The following CNTN4 variants were observed in gnomAD, a reference collection of about 807,000 sequenced individuals.
CNTN4 encodes the protein contactin-4.
A neutral mutation model predicts 122.5 loss-of-function variants in CNTN4; 77 were observed. That is an observed-to-expected ratio of 0.63 (90% CI 0.52 to 0.76). The LOEUF (loss-of-function observed/expected upper bound fraction) is 0.76. CNTN4 is among the 30% of genes least tolerant of loss of function. The pLI, the probability that CNTN4 is intolerant of heterozygous loss-of-function variation, is 0.00. For missense variants in CNTN4, 1,256 were observed against 1,259.1 expected (o/e 1.00, Z 0.04); for synonymous variants, 512 against 447.0 (o/e 1.15, Z -1.83).
chr3:2,840,815 C>T (rs1246338385), intron 7 of CNTN4, among the ~76,000 whole-genome samples: 1 of 152,088 alleles, frequency 6.6e-6, no homozygotes, highest in East Asian at 1.9e-4. Context: ...GACCAGAGAA[C>T]AGAAGACCTG....
chr3:3,034,599 T>C, intron 16 of CNTN4, 33 bp from the exon 17 acceptor site: 1 of 1,612,522 alleles, frequency 6.2e-7, no homozygotes, highest in Non-Finnish European at 8.5e-7. Context: ...TTGAATACAC[T>C]GCTCCAATTC....
At chr3:2,900,270 T>C (rs1295716260) in intron 10 of CNTN4, among the ~76,000 whole-genome samples, 2 of 152,308 alleles carry the variant, frequency 1.3e-5, no homozygotes, top group East Asian at 3.9e-4. Flanking sequence ...GGCATGAACT[T>C]GGTTACATAG....
chr3:2,539,301 A>G (rs2077938534), intron 3 of CNTN4, among the ~76,000 whole-genome samples: 1 of 152,090 alleles, frequency 6.6e-6, no homozygotes, highest in Non-Finnish European at 1.5e-5. Context: ...TTCTGAATAT[A>G]TTGTGTCCTT....
intron 3 of CNTN4, among the ~76,000 whole-genome samples, chr3:2,485,597 C>G (rs1048957549): frequency 3.3e-5 from 5 of 151,944 alleles, no homozygotes; most frequent in Middle Eastern, 3.2e-3. Context: ...ATGCACCAAT[C>G]AGCACTCTGT....
At chr3:2,483,824 A>G (rs1437402125) in intron 3 of CNTN4, among the ~76,000 whole-genome samples, 1 of 152,196 alleles carries the variant, frequency 6.6e-6, no homozygotes, top group Non-Finnish European at 1.5e-5. Context: ...TCTTTATAAA[A>G]TACCCAGTCT....
intron 6 of CNTN4, among the ~76,000 whole-genome samples, chr3:2,768,417 A>G (rs1192995790): frequency 6.6e-6 from 1 of 152,220 alleles, no homozygotes; most frequent in Non-Finnish European, 1.5e-5. Flanking sequence ...GTTAACTACA[A>G]ATTGTCTTTC....
rs1378195768 is a variant in CNTN4, at chr3:2,708,433, A to C, written c.56-27782A>C. On this transcript the variant is annotated intron_variant, in intron 4 of 24. Coordinates refer to ENST00000418658, the MANE Select transcript of CNTN4 (RefSeq NM_175607.3). ...TAGGAATAAAGGATTACCGTAAGAG[A>C]CTCTGTCCATTCTTGGAGGGGATAC... Among the ~76,000 whole-genome samples, 3 of 152,208 alleles carry C rather than the reference A, an allele frequency of 2.0e-5. No homozygotes were observed. In the South Asian group the frequency reaches 6.2e-4, roughly 32 times the overall value.
At chr3:2,883,870 G>C (rs746132568) in intron 9 of CNTN4, among the ~76,000 whole-genome samples, 1 of 152,158 alleles carries the variant, frequency 6.6e-6, no homozygotes, top group South Asian at 2.1e-4. Flanking sequence ...ATATCAGACA[G>C]CATAAAGAAC....
At chr3:2,952,730 G>T (rs770483761) in intron 13 of CNTN4, among the ~76,000 whole-genome samples, 20 of 152,078 alleles carry the variant, frequency 1.3e-4, no homozygotes, top group Non-Finnish European at 2.5e-4. Context: ...GAACAGTTCA[G>T]TTTCTTCTTT....
At chr3:2,451,311 C>T (rs1288526173) in intron 3 of CNTN4, among the ~76,000 whole-genome samples, 4 of 151,780 alleles carry the variant, frequency 2.6e-5, no homozygotes, top group Admixed American at 2.6e-4. Flanking sequence ...ATTTTTAGAG[C>T]TTCTATTAAT....
chr3:2,263,752 G>T (rs936015819), intron 2 of CNTN4, among the ~76,000 whole-genome samples: 3 of 150,314 alleles, frequency 2.0e-5, no homozygotes, highest in African/African-American at 7.3e-5. Context: ...ATATTTTTGT[G>T]CCCTTTAACC....
chr3:2,763,860 T>C (rs374391959), intron 6 of CNTN4, among the ~76,000 whole-genome samples: 5 of 152,318 alleles, frequency 3.3e-5, no homozygotes, highest in South Asian at 2.1e-4. Flanking sequence ...TTTGTACCAA[T>C]ACCATGCTGT....
chr3:2,916,578 A>C (rs1332531331), intron 12 of CNTN4, among the ~76,000 whole-genome samples: 1 of 131,606 alleles, frequency 7.6e-6, no homozygotes, highest in Non-Finnish European at 1.6e-5. Context: ...ACAGAACAAA[A>C]TGGAGTCTCC....
chr3:2,171,210 C>G (rs1465698157), intron 2 of CNTN4, among the ~76,000 whole-genome samples: 1 of 151,970 alleles, frequency 6.6e-6, no homozygotes, highest in African/African-American at 2.4e-5. Flanking sequence ...AGGAAATGGA[C>G]AGATAAATAA....
intron 3 of CNTN4, among the ~76,000 whole-genome samples, chr3:2,413,833 G>A (rs769557019): frequency 6.6e-6 from 1 of 152,120 alleles, no homozygotes; most frequent in Non-Finnish European, 1.5e-5. Context: ...GAGCCACTGC[G>A]CCCGGCCCAT....
chr3:2,611,380 A>AAGGGT (rs1251967403), intron 4 of CNTN4, among the ~76,000 whole-genome samples: 1 of 151,942 alleles, frequency 6.6e-6, no homozygotes, highest in Non-Finnish European at 1.5e-5. Flanking sequence ...AGACTCTTTC[A>AAGGGT]AGGGTACTGA....
chr3:2,865,809 C>T (rs1261898558), intron 7 of CNTN4, among the ~76,000 whole-genome samples: 1 of 152,186 alleles, frequency 6.6e-6, no homozygotes, highest in Non-Finnish European at 1.5e-5. Flanking sequence ...AAAGCATGGG[C>T]TCATGTGGTC....
intron 4 of CNTN4, among the ~76,000 whole-genome samples, chr3:2,572,739 C>T (rs1268390710): frequency 6.6e-6 from 1 of 152,196 alleles, no homozygotes; most frequent in Admixed American, 6.5e-5. Flanking sequence ...CACAAGCCAG[C>T]CCTGTACTGG....
chr3:2,944,613 G>A (rs2094654674), intron 13 of CNTN4, among the ~76,000 whole-genome samples: 1 of 152,086 alleles, frequency 6.6e-6, no homozygotes, highest in Non-Finnish European at 1.5e-5. Context: ...AAAACTAACA[G>A]GAATAATTTC....
Sources: gnomAD v4.1 joint callset for allele counts (sites outside exome capture counted in the v4.1 genomes callset) on GRCh38, gnomAD v4.1.1 for gene constraint, MANE v1.5 for transcripts, NCBI Gene and HGNC (gene_info 2026-07-23, HGNC 2026-07-21) for gene names.